The following NFXL1 variants were observed in gnomAD, a reference collection of about 807,000 sequenced individuals.
NFXL1 encodes nuclear transcription factor, X-box binding like 1.
NFXL1 carries 66 observed loss-of-function variants against 123.3 expected under a neutral mutation model. The observed-to-expected ratio is 0.54, with a 90% CI of 0.44 to 0.66. The LOEUF is 0.66. Ranked by LOEUF, NFXL1 falls within the 30% of genes least tolerant of loss-of-function variation. The pLI, the probability that NFXL1 is intolerant of heterozygous loss-of-function variation, is 0.00. For synonymous variants in NFXL1, 346 were observed against 360.8 expected, an observed-to-expected ratio of 0.96 and a Z score of 0.46; for missense variants, 944 against 1,125.6, an observed-to-expected ratio of 0.84 and a Z score of 2.31.
intron 18 of NFXL1, among the ~76,000 whole-genome samples, chr4:47,865,395 T>C (rs899612811): frequency 6.6e-6 from 1 of 151,030 alleles, no homozygotes; most frequent in Non-Finnish European, 1.5e-5. Context: ...TCAAAAAACA[T>C]ATAGCTCATT....
In NFXL1 at chr4:47,883,895, C is replaced by T. The variant is rs1578019047; in HGVS notation, c.1916+451G>A. On this transcript the variant is annotated intron_variant, in intron 15 of 22. Transcript: ENST00000507489. Reference sequence around the variant, plus strand: ...AGGTTCAGCTCCTTAGAGCTCAGTCCCAGTCATTCACTGGCCCATCCAGGA... The same window carrying T: ...AGGTTCAGCTCCTTAGAGCTCAGTCTCAGTCATTCACTGGCCCATCCAGGA... Among the ~76,000 whole-genome samples the T allele has an allele frequency of 6.6e-5, 10 of 152,276 alleles. No homozygotes were observed. The Middle Eastern group carries it at 0.014, about 207-fold the overall frequency.
At chr4:47,902,838 A>G (rs1031359161) in intron 5 of NFXL1, among the ~76,000 whole-genome samples, 2 of 152,220 alleles carry the variant, frequency 1.3e-5, no homozygotes, top group African/African-American at 4.8e-5. Flanking sequence ...CTTAGAATCT[A>G]CAATCTTCAT....
intron 17 of NFXL1, among the ~76,000 whole-genome samples, chr4:47,877,941 A>G (rs1318666426): frequency 6.6e-6 from 1 of 152,008 alleles, no homozygotes; most frequent in Non-Finnish European, 1.5e-5. Context: ...CACTAGCTAC[A>G]TTTGTTTTTC....
At chr4:47,894,440 A>G in intron 10 of NFXL1, 138 bp from the exon 11 acceptor site, 1 of 503,886 alleles carries the variant, frequency 2.0e-6, no homozygotes. Context: ...ACCAAAAACC[A>G]ATTTGAATTT....
At chr4:47,897,286 T>C (rs1412690998) in intron 9 of NFXL1, among the ~76,000 whole-genome samples, 1 of 152,162 alleles carries the variant, frequency 6.6e-6, no homozygotes, top group Non-Finnish European at 1.5e-5. Context: ...CACTCCAGCC[T>C]GGGCGACAGG....
chr4:47,874,186 G>A (rs530885846), intron 18 of NFXL1, among the ~76,000 whole-genome samples: 6 of 152,226 alleles, frequency 3.9e-5, no homozygotes, highest in Admixed American at 1.3e-4. Flanking sequence ...TTCTGTGTTC[G>A]CTGGAATGAA....
At chr4:47,856,830 AC>A (rs1734441180) in intron 19 of NFXL1, among the ~76,000 whole-genome samples, 1 of 152,146 alleles carries the variant, frequency 6.6e-6, no homozygotes, top group Non-Finnish European at 1.5e-5. Context: ...ACTGAATACT[AC>A]TTAATAAGCT....
At chr4:47,902,161 A>G (rs1560603481) in intron 5 of NFXL1, among the ~76,000 whole-genome samples, 1 of 152,096 alleles carries the variant, frequency 6.6e-6, no homozygotes, top group Non-Finnish European at 1.5e-5. Context: ...CAGCCTGGGC[A>G]ATACAGCAAA....
At chr4:47,893,390 G>T (rs1014665972) in intron 11 of NFXL1, among the ~76,000 whole-genome samples, 1 of 151,920 alleles carries the variant, frequency 6.6e-6, no homozygotes, top group African/African-American at 2.4e-5. Context: ...ACCATACCAA[G>T]GAACACCAGA....
chr4:47,856,100 A>G (rs953989944), intron 19 of NFXL1, among the ~76,000 whole-genome samples: 1 of 152,152 alleles, frequency 6.6e-6, no homozygotes, highest in African/African-American at 2.4e-5. Context: ...AACCCTAACA[A>G]ATAAAATACA....
chr4:47,880,909 G>C (rs1736071344), intron 15 of NFXL1, among the ~76,000 whole-genome samples: 2 of 150,562 alleles, frequency 1.3e-5, no homozygotes, highest in African/African-American at 4.9e-5. Flanking sequence ...CTAAAAAGTT[G>C]ATCTTATAGA....
At chr4:47,874,075 G>C (rs550934426) in intron 18 of NFXL1, among the ~76,000 whole-genome samples, 9 of 152,190 alleles carry the variant, frequency 5.9e-5, no homozygotes, top group African/African-American at 9.7e-5. Context: ...GAATTGAAGA[G>C]AGTTAGGAAC....
intron 22 of NFXL1, among the ~76,000 whole-genome samples, chr4:47,849,930 T>C (rs1734022277): frequency 1.3e-5 from 2 of 150,592 alleles, no homozygotes; most frequent in African/African-American, 2.4e-5. Flanking sequence ...TGTTACACTG[T>C]ATTTTAAAAT....
In NFXL1 at chr4:47,884,390, A is replaced by C. The variant is rs147381315; in HGVS notation, c.1872T>G (p.Ile624Met). 1.1e-4 allele frequency: 176 copies of C among 1,611,780 alleles called. No individual in the cohort carries two copies. Among genetic ancestry groups the C allele is most frequent in the Non-Finnish European group, 1.3e-4 (157 of 1,178,186 alleles). The change falls in exon 15 of 23, where the codon ATT (isoleucine) becomes ATG (methionine). Residue 624 changes from isoleucine to methionine, a missense_variant. Coordinates refer to ENST00000507489, the MANE Select transcript of NFXL1 (RefSeq NM_001278624.2). ...ATGGAGGACACGGTAATGCAGTCTG[A>C]ATAAATGCTGGCTCAGAAGGCTGTT... The part of the protein sequence containing the change: ...PWEQPSEPAF[I>M]QTALPCPPCQ...
chr4:47,905,424 T>C (rs1264747816), intron 3 of NFXL1, 78 bp from the exon 4 acceptor site: 7 of 702,952 alleles, frequency 1.0e-5, no homozygotes, highest in African/African-American at 1.8e-5. Context: ...CACCATATTA[T>C]GTAAGAACTG....
chr4:47,872,473 A>G (rs1192180745), intron 18 of NFXL1, among the ~76,000 whole-genome samples: 1 of 151,550 alleles, frequency 6.6e-6, no homozygotes, highest in Non-Finnish European at 1.5e-5. Flanking sequence ...AAAAAAAAAA[A>G]AAAAGAAAAA....
chr4:47,886,647 G>A (rs28583602), intron 12 of NFXL1, among the ~76,000 whole-genome samples: 51,758 of 151,916 alleles, frequency 0.34, 9,214 homozygotes, highest in East Asian at 0.59. Flanking sequence ...GGGTGTACAG[G>A]CGTGAGCCAC....
chr4:47,887,708 C>A (rs892831081), intron 12 of NFXL1, among the ~76,000 whole-genome samples: 6 of 152,134 alleles, frequency 3.9e-5, no homozygotes, highest in South Asian at 2.1e-4. Flanking sequence ...AGCAGAGGAA[C>A]CTTTTTGTTA....
intron 20 of NFXL1, among the ~76,000 whole-genome samples, chr4:47,852,991 T>G (rs1370833078): frequency 6.6e-6 from 1 of 151,980 alleles, no homozygotes; most frequent in Non-Finnish European, 1.5e-5. Flanking sequence ...TCCTTAGTTC[T>G]TCATTTTTGG....
Sources: allele counts gnomAD v4.1 joint callset (sites outside exome capture counted in the v4.1 genomes callset), GRCh38; gene constraint gnomAD v4.1.1; transcripts MANE v1.5; gene names NCBI Gene and HGNC (gene_info 2026-07-23, HGNC 2026-07-21).